Variants in SLC9C2 observed in about 807,000 individuals in gnomAD.
SLC9C2 encodes the protein sodium/hydrogen exchanger 11.
A neutral mutation model predicts 140.2 loss-of-function variants in SLC9C2; 75 were observed. That is an observed-to-expected ratio of 0.53 (90% CI 0.44 to 0.65). The LOEUF (loss-of-function observed/expected upper bound fraction) is 0.65, where lower values mean the gene tolerates loss of function less well. SLC9C2 is among the 30% of genes least tolerant of loss of function. The probability of loss-of-function intolerance (pLI) is 0.00; values close to 1 mark genes in which losing one functional copy is unlikely to be tolerated. For synonymous variants in SLC9C2, 375 were observed against 420.9 expected (o/e 0.89, Z 1.34); for missense variants, 1,074 against 1,331.8 (o/e 0.81, Z 3.01).
chr1:173,599,312 A>G (rs912731336), intron 3 of SLC9C2, among the ~76,000 whole-genome samples: 1 of 146,854 alleles, frequency 6.8e-6, no homozygotes, highest in African/African-American at 2.5e-5. Context: ...AGCCAGAGCA[A>G]GGCTCCAGAA....
chr1:173,573,577 A>T (rs1231438330), intron 8 of SLC9C2, among the ~76,000 whole-genome samples: 1 of 152,206 alleles, frequency 6.6e-6, no homozygotes, highest in East Asian at 1.9e-4. Flanking sequence ...AGCAAAGCAG[A>T]AAAATGAGGA....
At chr1:173,519,314 C>A (rs964491931) in intron 22 of SLC9C2, among the ~76,000 whole-genome samples, 2 of 151,970 alleles carry the variant, frequency 1.3e-5, no homozygotes, top group African/African-American at 2.4e-5. Flanking sequence ...GTTCAATAGC[C>A]GTAAAGAATA....
rs41264570 is a variant in SLC9C2, at chr1:173,507,045, T to A, written c.3040-4A>T. The A allele has an allele frequency of 1.3e-6, 2 of 1,549,834 alleles. No individual in the cohort carries two copies. The highest frequency in any genetic ancestry group is 1.4e-5 in the African/African-American group (1 of 71,634). ...CACAGTTCTGAAACCTTAAGTCCTATAATAAAATTGCATTTTAGAAAATAA... is the reference window on the plus strand; with the variant it reads ...CACAGTTCTGAAACCTTAAGTCCTAAAATAAAATTGCATTTTAGAAAATAA... On this transcript the variant is annotated splice_region_variant and splice_polypyrimidine_tract_variant and intron_variant, in intron 24 of 27. Coordinates refer to ENST00000367714, the MANE Select transcript of SLC9C2 (RefSeq NM_178527.4).
chr1:173,534,603 T>C lies in SLC9C2; in HGVS notation c.1855A>G (p.Ile619Val). 1 of 1,588,254 alleles carries C rather than the reference T, an allele frequency of 6.3e-7. No homozygotes were observed. The highest frequency in any genetic ancestry group is 8.6e-7 in the Non-Finnish European group (1 of 1,168,866). The change falls in exon 16 of 28, where the codon ATA becomes GTA. Residue 619 changes from isoleucine to valine, a missense_variant. Physicochemically the swap from Ile to Val is conservative, Grantham distance 29 (BLOSUM62 3). Transcript: ENST00000367714. The part of the protein sequence containing the change: ...FEYTGQIINL[I>V]YIYPMIIHLW... ...TGTATTATCATAGGATAAATATATA[T>C]CAAATTTATAATCTGTCCTGTATAT...
At chr1:173,541,817 C>A (rs1335659006) in intron 13 of SLC9C2, among the ~76,000 whole-genome samples, 2 of 152,110 alleles carry the variant, frequency 1.3e-5, no homozygotes, top group Non-Finnish European at 2.9e-5. Context: ...CCAATGAGAA[C>A]AAAGACACAA....
intron 11 of SLC9C2, among the ~76,000 whole-genome samples, chr1:173,549,232 T>G (rs1427444576): frequency 6.6e-6 from 1 of 152,222 alleles, no homozygotes; most frequent in Non-Finnish European, 1.5e-5. Context: ...AAGGGTTAAA[T>G]GGCTTCTAAA....
intron 24 of SLC9C2, among the ~76,000 whole-genome samples, chr1:173,507,305 A>G (rs1490876553): frequency 6.6e-6 from 1 of 151,744 alleles, no homozygotes; most frequent in African/African-American, 2.4e-5. Context: ...GTAGTTGGCT[A>G]TGACTCAGGA....
intron 8 of SLC9C2, among the ~76,000 whole-genome samples, chr1:173,575,384 T>C (rs1665109282): frequency 6.6e-6 from 1 of 152,196 alleles, no homozygotes; most frequent in African/African-American, 2.4e-5. Flanking sequence ...GAAAGTAATT[T>C]ATAATTATGT....
chr1:173,554,193 G>A (rs772287877), intron 11 of SLC9C2, among the ~76,000 whole-genome samples: 18 of 152,220 alleles, frequency 1.2e-4, no homozygotes, highest in East Asian at 1.9e-4. Context: ...TCGCCAGCCC[G>A]GAAAGATGAT....
intron 22 of SLC9C2, among the ~76,000 whole-genome samples, chr1:173,520,047 T>C (rs1317814211): frequency 1.3e-5 from 2 of 151,954 alleles, no homozygotes; most frequent in South Asian, 4.2e-4. Flanking sequence ...ACTTGGGAGG[T>C]TGAGGCAGGA....
chr1:173,503,605 G>A (rs1659430400), intron 26 of SLC9C2, among the ~76,000 whole-genome samples: 1 of 152,160 alleles, frequency 6.6e-6, no homozygotes, highest in African/African-American at 2.4e-5. Context: ...ACTGTGGCAA[G>A]CTGCAGAGCA....
intron 12 of SLC9C2, 41 bp downstream of exon 12, chr1:173,548,348 G>C (rs766391043): frequency 1.3e-6 from 2 of 1,577,516 alleles, no homozygotes; most frequent in African/African-American, 1.4e-5. Context: ...GCAGACCAAG[G>C]GAAGGAAAGG....
intron 23 of SLC9C2, among the ~76,000 whole-genome samples, chr1:173,511,900 G>T (rs977893628): frequency 6.6e-6 from 1 of 152,142 alleles, no homozygotes; most frequent in Non-Finnish European, 1.5e-5. Flanking sequence ...ACCATTTACT[G>T]AATAGGAGAT....
At chr1:173,571,183 T>G (rs890122466) in intron 9 of SLC9C2, among the ~76,000 whole-genome samples, 12 of 152,200 alleles carry the variant, frequency 7.9e-5, no homozygotes, top group Non-Finnish European at 1.8e-4. Context: ...TTTATTCCCC[T>G]TCACAAATCC....
At chr1:173,538,486 G>A (rs1377021322) in intron 13 of SLC9C2, among the ~76,000 whole-genome samples, 2 of 152,192 alleles carry the variant, frequency 1.3e-5, no homozygotes, top group Non-Finnish European at 2.9e-5. Flanking sequence ...GGGCAATGGA[G>A]GTATAGTCCA....
At chr1:173,593,075 T>A (rs1366902752) in intron 4 of SLC9C2, among the ~76,000 whole-genome samples, 1 of 152,112 alleles carries the variant, frequency 6.6e-6, no homozygotes, top group African/African-American at 2.4e-5. Context: ...AGATCTTGAA[T>A]GAAGCACTAA....
At chr1:173,529,420 G>T (rs1299516982) in intron 18 of SLC9C2, among the ~76,000 whole-genome samples, 1 of 151,954 alleles carries the variant, frequency 6.6e-6, no homozygotes, top group Admixed American at 6.6e-5. Flanking sequence ...CAGCATAGTG[G>T]CTGGAAATGA....
chr1:173,591,096 A>G (rs1666131105), intron 4 of SLC9C2, among the ~76,000 whole-genome samples: 1 of 151,964 alleles, frequency 6.6e-6, no homozygotes, highest in African/African-American at 2.4e-5. Context: ...AGTTCTCACC[A>G]TTTAGCTTCC....
intron 5 of SLC9C2, among the ~76,000 whole-genome samples, chr1:173,587,113 G>C (rs980106657): frequency 1.3e-5 from 2 of 152,074 alleles, no homozygotes; most frequent in African/African-American, 4.8e-5. Flanking sequence ...AAATAGTGCA[G>C]GACTCCAAAT....
Sources: allele counts gnomAD v4.1 joint callset (sites outside exome capture counted in the v4.1 genomes callset), GRCh38; gene constraint gnomAD v4.1.1; transcripts MANE v1.5; gene names NCBI Gene and HGNC (gene_info 2026-07-23, HGNC 2026-07-21).